The following PCSK5 variants were observed in gnomAD, a reference collection of about 807,000 sequenced individuals.
The protein encoded by PCSK5 is proprotein convertase subtilisin/kexin type 5.
A neutral mutation model predicts 233.2 loss-of-function variants in PCSK5; 129 were observed. That is an observed-to-expected ratio of 0.55 (90% CI 0.48 to 0.64). The LOEUF is 0.64. Ranked by LOEUF, PCSK5 falls within the 30% of genes least tolerant of loss-of-function variation. PCSK5 has a pLI of 0.00. For missense variants in PCSK5, 2,076 were observed against 2,430.1 expected, an observed-to-expected ratio of 0.85 and a Z score of 3.06; for synonymous variants, 825 against 879.2, an observed-to-expected ratio of 0.94 and a Z score of 1.09.
chr9:76,232,292 C>A (rs570399686), intron 21 of PCSK5, among the ~76,000 whole-genome samples: 1 of 152,310 alleles, frequency 6.6e-6, no homozygotes, highest in South Asian at 2.1e-4. Context: ...ACTCAGATGT[C>A]CCAGGCCTGG....
At chr9:76,158,256 G>T (rs1469056161) in intron 11 of PCSK5, among the ~76,000 whole-genome samples, 2 of 152,128 alleles carry the variant, frequency 1.3e-5, no homozygotes, top group Non-Finnish European at 2.9e-5. Flanking sequence ...CCTGTGGCTC[G>T]ATGAAGGTCT....
chr9:75,895,280 A>T (rs753473001), intron 1 of PCSK5, among the ~76,000 whole-genome samples: 5 of 152,198 alleles, frequency 3.3e-5, no homozygotes, highest in Non-Finnish European at 5.9e-5. Context: ...AAATCTCTAG[A>T]TAATAGAGTG....
chr9:75,986,781 C>T (rs571365520), intron 3 of PCSK5, among the ~76,000 whole-genome samples: 1 of 152,240 alleles, frequency 6.6e-6, no homozygotes, highest in Non-Finnish European at 1.5e-5. Flanking sequence ...TTTGGTAGTT[C>T]ATGGTTCAAG....
At chr9:75,979,892 G>T (rs930997421) in intron 2 of PCSK5, among the ~76,000 whole-genome samples, 9 of 152,124 alleles carry the variant, frequency 5.9e-5, no homozygotes, top group African/African-American at 2.2e-4. Context: ...AAGTCAGTTG[G>T]CTGTTTTGTT....
intron 20 of PCSK5, among the ~76,000 whole-genome samples, chr9:76,192,698 C>A (rs1824460545): frequency 1.2e-5 from 1 of 86,518 alleles, no homozygotes; most frequent in Admixed American, 1.4e-4. Flanking sequence ...AGGAAAGATT[C>A]TTGCATAAGC....
intron 25 of PCSK5, among the ~76,000 whole-genome samples, chr9:76,293,104 C>T (rs1007627190): frequency 6.6e-6 from 1 of 152,184 alleles, no homozygotes; most frequent in African/African-American, 2.4e-5. Flanking sequence ...GACAGGTCTA[C>T]ATTTGCGACA....
chr9:76,123,438 G>A (rs1832724779), intron 9 of PCSK5, among the ~76,000 whole-genome samples: 1 of 152,110 alleles, frequency 6.6e-6, no homozygotes, highest in Admixed American at 6.5e-5. Flanking sequence ...TAATAGAAGA[G>A]TTATCACCTT....
intron 3 of PCSK5, among the ~76,000 whole-genome samples, chr9:75,988,395 T>C (rs768090986): frequency 9.2e-5 from 14 of 151,456 alleles, no homozygotes; most frequent in Non-Finnish European, 1.8e-4. Context: ...AATCCTCCCA[T>C]CTCTGCCTCC....
intron 29 of PCSK5, among the ~76,000 whole-genome samples, chr9:76,310,019 G>A (rs531171334): frequency 8.5e-5 from 13 of 152,100 alleles, no homozygotes; most frequent in African/African-American, 2.9e-4. Flanking sequence ...AGGCTGAAGC[G>A]GGCAGATTAC....
At chr9:76,271,203 G>A (rs1827501271) in intron 24 of PCSK5, among the ~76,000 whole-genome samples, 1 of 152,140 alleles carries the variant, frequency 6.6e-6, no homozygotes, top group Non-Finnish European at 1.5e-5. Flanking sequence ...CATTAAGGGA[G>A]AAAGGAGATT....
intron 5 of PCSK5, among the ~76,000 whole-genome samples, chr9:76,046,480 T>TTTTCTTTTATATTTTCTTTTATA (rs1255376910): frequency 3.1e-4 from 43 of 139,444 alleles, no homozygotes; most frequent in African/African-American, 1.1e-3. Context: ...CCAGCCAATT[T>TTTTCTTTTATATTTTCTTTTATA]TTTCTTTTAT....
intron 3 of PCSK5, among the ~76,000 whole-genome samples, chr9:76,007,772 G>T (rs1036754136): frequency 2.0e-5 from 3 of 148,202 alleles, no homozygotes; most frequent in Non-Finnish European, 4.5e-5. Flanking sequence ...GACCACAGGC[G>T]CCTGTCACCA....
At chr9:76,251,573 A>G (rs1055546582) in intron 24 of PCSK5, among the ~76,000 whole-genome samples, 1 of 151,434 alleles carries the variant, frequency 6.6e-6, no homozygotes, top group African/African-American at 2.4e-5. Flanking sequence ...CAAAAAAAAA[A>G]AAAAAAAGAC....
In PCSK5 at chr9:76,189,067, G is replaced by A. The variant is rs199937117; in HGVS notation, c.2381-27G>A. 416 of 1,607,772 alleles carry A rather than the reference G, an allele frequency of 2.6e-4. 1 individual carries two copies. Among genetic ancestry groups the A allele is most frequent in the Admixed American group, 1.4e-4 (8 of 58,876 alleles). On this transcript the variant is annotated intron_variant, in intron 18 of 37. Transcript: ENST00000674117. ...CACCTCCTCTGAGGTTTTATTTCTC[G>A]TTTCCTGTGTTTGTCTTGCTTTTAA...
Position 76,189,144 on chromosome 9 carries a change from G to A in PCSK5, c.2431G>A (p.Asp811Asn). 1.2e-6 allele frequency: 2 copies of A among 1,613,036 alleles called. No homozygotes were observed. The highest frequency in any genetic ancestry group is 1.7e-6 in the Non-Finnish European group (2 of 1,179,258). ...INCTEGYFME[D>N]GRCVQSCSIS... ...CTGCACAGAGGGCTACTTCATGGAGGATGGGAGATGCGTGCAGAGCTGTAG... is the reference window on the plus strand; with the variant it reads ...CTGCACAGAGGGCTACTTCATGGAGAATGGGAGATGCGTGCAGAGCTGTAG... The change falls in exon 19 of 38, where the codon GAT becomes AAT. Residue 811 changes from aspartate (D) to asparagine (N), a missense_variant. Transcript: ENST00000674117.
chr9:76,072,733 G>T (rs1830521948), intron 7 of PCSK5, among the ~76,000 whole-genome samples: 1 of 152,092 alleles, frequency 6.6e-6, no homozygotes, highest in Admixed American at 6.5e-5. Context: ...CATCAGCACA[G>T]AACGCTTTCC....
In PCSK5 at chr9:76,282,440, C is replaced by A. The variant is rs1827911248; in HGVS notation, c.3143-9793C>A. 2.7e-5 allele frequency among the ~76,000 whole-genome samples: 4 copies of A among 150,804 alleles called. No homozygotes were observed. The South Asian group carries it at 8.4e-4, about 32-fold the overall frequency. On this transcript the variant is annotated intron_variant, in intron 24 of 37. Coordinates refer to ENST00000674117, the MANE Select transcript of PCSK5 (RefSeq NM_001372043.1). Reference sequence around the variant, plus strand: ...GCTAACGCAATCCTCCCACCTCAGCCTCCTGAGTAGCTGTGACTACAAGCA... The same window carrying A: ...GCTAACGCAATCCTCCCACCTCAGCATCCTGAGTAGCTGTGACTACAAGCA...
intron 7 of PCSK5, among the ~76,000 whole-genome samples, chr9:76,079,721 T>C (rs909819391): frequency 6.6e-6 from 1 of 152,066 alleles, no homozygotes; most frequent in African/African-American, 2.4e-5. Context: ...GTGTTGAGAG[T>C]GGGCATTCCC....
intron 5 of PCSK5, among the ~76,000 whole-genome samples, chr9:76,048,005 A>T (rs1323198780): frequency 2.6e-5 from 4 of 152,154 alleles, no homozygotes; most frequent in Non-Finnish European, 4.4e-5. Flanking sequence ...GAATCATTTT[A>T]TTGACAAATC....
Sources: gnomAD v4.1 joint callset for allele counts (sites outside exome capture counted in the v4.1 genomes callset) on GRCh38, gnomAD v4.1.1 for gene constraint, MANE v1.5 for transcripts, NCBI Gene and HGNC (gene_info 2026-07-23, HGNC 2026-07-21) for gene names.